NOS3: variants seen among roughly 807,000 people sequenced by gnomAD.
NOS3 encodes NOS type III.
A neutral mutation model predicts 144.9 loss-of-function variants in NOS3; 98 were observed. That is an observed-to-expected ratio of 0.68 (90% CI 0.57 to 0.80). NOS3 has a LOEUF of 0.80. Ranked by LOEUF, NOS3 falls within the 30% of genes least tolerant of loss-of-function variation. The probability of loss-of-function intolerance (pLI) is 0.00; values close to 1 mark genes in which losing one functional copy is unlikely to be tolerated. For synonymous variants in NOS3, 714 were observed against 702.4 expected (o/e 1.02, Z -0.26); for missense variants, 1,465 against 1,656.4 (o/e 0.88, Z 2.01).
At position 151,002,453 on chromosome 7, in the gene NOS3, C is replaced by CACAT. The variant is rs33958766; in HGVS notation, c.1752+149_1752+150insACAT. 1.4e-5 allele frequency: 7 copies of CACAT among 495,146 alleles called. No individual in the cohort carries two copies. The highest frequency in any genetic ancestry group is 4.4e-5 in the African/African-American group (2 of 45,708). The allele number at this position is 495,146 out of a possible 1,614,324, so 30.7% of individuals were successfully genotyped here. On this transcript the variant is annotated intron_variant, in intron 14 of 26. Transcript: ENST00000297494. The surrounding 1 kb of genome is among the most constrained non-coding windows in gnomAD (Gnocchi z 4.1). Reference sequence around the variant, plus strand: ...ACACACACACACACACACACACACACGCCAGGATGGAAAGGGAGATGCTAA... The same window carrying CACAT: ...ACACACACACACACACACACACACACACATGCCAGGATGGAAAGGGAGATGCTAA...
At chr7:150,992,747 C>T (rs1292858115) in intron 1 of NOS3, among the ~76,000 whole-genome samples, 3 of 152,184 alleles carry the variant, frequency 2.0e-5, no homozygotes, top group African/African-American at 4.8e-5. Flanking sequence ...TCTCAGCTTC[C>T]GTTTCTTTCT....
Position 151,007,021 on chromosome 7 carries a change from A to G in NOS3, c.1937+16A>G, listed in dbSNP as rs1795216060. ...GCACCCTCAGGTCAGGGCCTCACCA[A>G]GAGGGGTGCAACGGGTGGGCAAGCT... On this transcript the variant is annotated intron_variant, in intron 16 of 26. Transcript: ENST00000297494. The G allele has an allele frequency of 1.2e-6, 2 of 1,613,656 alleles. No homozygotes were observed. Among genetic ancestry groups the G allele is most frequent in the South Asian group, 2.2e-5 (2 of 91,066 alleles).
In NOS3 at chr7:151,003,396, G is replaced by T. The variant is rs550437453; in HGVS notation, c.1752+1092G>T. On this transcript the variant is annotated intron_variant, in intron 14 of 26. Transcript: ENST00000297494. The surrounding 1 kb of genome is among the most constrained non-coding windows in gnomAD (Gnocchi z 4.1). ...CTGCCTCGGCCTCCCAAAGTGCTGC[G>T]ATTATAGACGTGAGCCACTGCACCT... is the stretch of plus-strand genomic sequence containing the variant. 5.7e-6 allele frequency: 7 copies of T among 1,226,642 alleles called. No homozygotes were observed. The highest frequency in any genetic ancestry group is 6.3e-6 in the Non-Finnish European group (6 of 953,632). 76.0% of individuals were successfully genotyped at this position (1,226,642 alleles called of 1,614,324 possible).
chr7:150,991,906 G>A (rs922402031), intron 1 of NOS3, among the ~76,000 whole-genome samples: 1 of 151,624 alleles, frequency 6.6e-6, no homozygotes, highest in African/African-American at 2.4e-5. Context: ...TGGGTCAGGA[G>A]AATCGCTTGA....
intron 25 of NOS3, 168 bp from the exon 26 acceptor site, chr7:151,013,556 G>T (rs1429005861): frequency 2.3e-5 from 6 of 262,990 alleles, no homozygotes; most frequent in Non-Finnish European, 2.8e-5. Context: ...GCCTCCTCCC[G>T]CCCCTGCCCC....
chr7:150,995,466 G>A lies in NOS3; in HGVS notation c.270+152G>A, dbSNP rs1443133775. On this transcript the variant is annotated intron_variant, in intron 3 of 26. Transcript: ENST00000297494. ...AGGACTGGGAAGAACCAGAGGAGTT[G>A]AGGGACATGCACGGGACTTGGGTGA... 7 of 579,100 alleles carry A rather than the reference G, an allele frequency of 1.2e-5. No homozygotes were observed. The East Asian group carries it at 2.1e-4, about 17-fold the overall frequency. The allele number at this position is 579,100 out of a possible 1,614,324, so 35.9% of individuals were successfully genotyped here. A position where few individuals can be genotyped will look rare whatever the true frequency, so the allele number is the denominator to read the frequency against.
At chr7:151,000,293 A>G (rs576994408) in intron 9 of NOS3, among the ~76,000 whole-genome samples, 1 of 152,178 alleles carries the variant, frequency 6.6e-6, no homozygotes, top group African/African-American at 2.4e-5. Context: ...CCTGGAGCTG[A>G]GGAGCGACTG....
chr7:150,998,796 G>GA lies in NOS3; in HGVS notation c.816+121dup. ...GGGGAGCCTCGGTGAGATAAAGGATGAAAAACACCAAAGGAGGGGTGCCTG... is the reference window on the plus strand; with the variant it reads ...GGGGAGCCTCGGTGAGATAAAGGATGAAAAAACACCAAAGGAGGGGTGCCTG... On this transcript the variant is annotated intron_variant, in intron 7 of 26. Coordinates refer to ENST00000297494, the MANE Select transcript of NOS3 (RefSeq NM_000603.5). This position sits in a 1 kb window ranked among gnomAD's most constrained non-coding sequence, Gnocchi z 5.0. 1 of 1,470,378 alleles carries GA rather than the reference G, an allele frequency of 6.8e-7. No homozygotes were observed. Among genetic ancestry groups the GA allele is most frequent in the Non-Finnish European group, 9.2e-7 (1 of 1,091,338 alleles). 91.1% of individuals were successfully genotyped at this position (1,470,378 alleles called of 1,614,324 possible).
chr7:151,008,388 G>A (rs981140583), intron 17 of NOS3, among the ~76,000 whole-genome samples: 2 of 152,224 alleles, frequency 1.3e-5, no homozygotes, highest in Non-Finnish European at 2.9e-5. Flanking sequence ...TGCCTGACCA[G>A]GAGTAGACGG....
At position 151,001,808 on chromosome 7, in the gene NOS3, T is replaced by C; in HGVS notation, c.1503-13T>C. ...GTGCACCCAGGACACCCTCACACCT[T>C]CCTCTCCCGCAGCGCCGTGAAGATC... On this transcript the variant is annotated splice_polypyrimidine_tract_variant and intron_variant, in intron 12 of 26. Transcript: ENST00000297494. 1 of 1,613,422 alleles carries C rather than the reference T, an allele frequency of 6.2e-7. No individual in the cohort carries two copies. The highest frequency in any genetic ancestry group is 8.5e-7 in the Non-Finnish European group (1 of 1,179,940).
chr7:150,996,354 C>A, intron 3 of NOS3, 50 bp from the exon 4 acceptor site: 6 of 428,126 alleles, frequency 1.4e-5, no homozygotes, highest in South Asian at 1.8e-5. Context: ...CAACTCCCAT[C>A]CCACCCCTGC....
rs750555154 is a variant in NOS3 at position 151,013,229 on chromosome 7, A to C, written c.3107-2A>C. On this transcript the variant is annotated splice_acceptor_variant, in intron 24 of 26. Transcript: ENST00000297494. LOFTEE classifies it high-confidence loss of function. ...CCTTCCCAAGCGCGGGGTTGCTTGC[A>C]GGGCTGCAGCCCACTCCCATGACTT... 5.6e-6 allele frequency: 9 copies of C among 1,611,228 alleles called. No homozygotes were observed. Among genetic ancestry groups the C allele is most frequent in the Non-Finnish European group, 7.6e-6 (9 of 1,178,398 alleles).
chr7:151,010,867 G>A lies in NOS3; in HGVS notation c.2897-32G>A, dbSNP rs560090727. 14 of 1,608,726 alleles carry A rather than the reference G, an allele frequency of 8.7e-6. 1 individual carries two copies. In the South Asian group the frequency reaches 1.2e-4, roughly 14 times the overall value. On this transcript the variant is annotated intron_variant, in intron 22 of 26. Transcript: ENST00000297494. ...CAGGGTTGGGACCGGCCCCTCTCTG[G>A]CCCCTCACCGGCCTCTCCTTCCCAC...
chr7:151,013,681 G>GC, intron 25 of NOS3, 43 bp from the exon 26 acceptor site: 1,539 of 1,199,354 alleles, frequency 1.3e-3, no homozygotes, highest in Middle Eastern at 1.7e-3. Context: ...GCGCCCCCGC[G>GC]CCCACCCCCA....
chr7:151,007,077 T>A, intron 16 of NOS3, 25 bp from the exon 17 acceptor site: 2 of 1,614,012 alleles, frequency 1.2e-6, no homozygotes, highest in Non-Finnish European at 1.7e-6. Context: ...CAAAGGGAGC[T>A]CCACTGACGA....
Position 151,012,059 on chromosome 7 carries a change from G to A in NOS3, c.2985-292G>A, listed in dbSNP as rs143637426. 2.5e-3 allele frequency: 954 copies of A among 374,234 alleles called. 8 individuals are homozygous for A. The highest frequency in any genetic ancestry group is 0.018 in the African/African-American group (861 of 48,748). 23.2% of individuals were successfully genotyped at this position (374,234 alleles called of 1,614,324 possible). Reference sequence around the variant, plus strand: ...GATACTTAAAATAAACACACTTAGTGAACCCATTATGAACTGAAAGTGTCT... The same window carrying A: ...GATACTTAAAATAAACACACTTAGTAAACCCATTATGAACTGAAAGTGTCT... On this transcript the variant is annotated intron_variant, in intron 23 of 26. Transcript: ENST00000297494.
Position 151,010,958 on chromosome 7 carries a change from G to A in NOS3, c.2956G>A (p.Gly986Arg), listed in dbSNP as rs563005534. 1.7e-5 allele frequency: 28 copies of A among 1,613,796 alleles called. No homozygotes were observed. In the Admixed American group the frequency reaches 2.5e-4, roughly 14 times the overall value. ...CACGTGGCTAAGCCAGCTCAAGCCC[G>A]GAGACCCTGTGCCCTGCTTCATCCG... ...CSTWLSQLKP[G>R]DPVPCFIRGA... The change falls in exon 23 of 27, where the codon GGA becomes AGA. Residue 986 changes from glycine (G) to arginine (R), a missense_variant. Coordinates refer to ENST00000297494, the MANE Select transcript of NOS3 (RefSeq NM_000603.5).
intron 9 of NOS3, 28 bp downstream of exon 9, chr7:150,999,392 C>G (rs749897441): frequency 3.3e-6 from 5 of 1,535,948 alleles, no homozygotes; most frequent in Non-Finnish European, 4.4e-6. Context: ...GCTCGGGCAC[C>G]GAATGCACCT....
intron 20 of NOS3, 81 bp downstream of exon 20, chr7:151,009,666 A>C: frequency 7.7e-7 from 1 of 1,293,208 alleles, no homozygotes; most frequent in Non-Finnish European, 1.0e-6. Context: ...CCAGGAGCTC[A>C]GGACCCGACC....
Sources: allele counts gnomAD v4.1 joint callset (sites outside exome capture counted in the v4.1 genomes callset), GRCh38; gene constraint gnomAD v4.1.1; non-coding constraint Gnocchi (gnomAD v3.1); transcripts MANE v1.5; gene names NCBI Gene and HGNC (gene_info 2026-07-23, HGNC 2026-07-21).